GABRA3: variants seen among roughly 807,000 people sequenced by gnomAD.
The protein encoded by GABRA3 is gamma-aminobutyric acid receptor subunit alpha-3.
In GABRA3, 10 loss-of-function variants were observed where a neutral mutation model predicts 30.1. That is an observed-to-expected ratio of 0.33 (90% CI 0.20 to 0.56). The LOEUF (loss-of-function observed/expected upper bound fraction) is 0.56. Among genes scored for constraint, GABRA3 ranks in the 20% least tolerant of loss-of-function variants. The pLI is 0.89. For missense variants in GABRA3, 233 were observed against 392.0 expected, an observed-to-expected ratio of 0.59 and a Z score of 3.42; for synonymous variants, 151 against 146.8, an observed-to-expected ratio of 1.03 and a Z score of -0.21.
chrX:152,373,532 C>T (rs1928898700), intron 1 of GABRA3, among the ~76,000 whole-genome samples: 1 of 111,933 alleles, frequency 8.9e-6, no homozygotes, highest in Non-Finnish European at 1.9e-5. Context: ...TCCTCTGCAA[C>T]TTTGCCAACA....
At chrX:152,440,180 A>T (rs1930886342) in intron 1 of GABRA3, among the ~76,000 whole-genome samples, 1 of 112,517 alleles carries the variant, frequency 8.9e-6, no homozygotes, top group African/African-American at 3.2e-5. Context: ...TCTACAAGAA[A>T]AAAACAACCC....
chrX:152,226,150 C>A (rs1310517705), intron 5 of GABRA3, among the ~76,000 whole-genome samples: 1 of 111,756 alleles, frequency 8.9e-6, no homozygotes, highest in Non-Finnish European at 1.9e-5. Context: ...CTCTTCACAT[C>A]ACAGTGCTAC....
chrX:152,279,441 A>C lies in GABRA3; in HGVS notation c.330+5227T>G, dbSNP rs1258884213. On this transcript the variant is annotated intron_variant, in intron 4 of 9. Coordinates refer to ENST00000370314, the MANE Select transcript of GABRA3 (RefSeq NM_000808.4). The stretch of plus-strand genomic sequence containing the variant: ...GTTGTAGATATGTGGCATTATTTCT[A>C]AGGGCTCTGTTCTGTTCCATTGGTC... Among the ~76,000 whole-genome samples the C allele has an allele frequency of 3.6e-5, 4 of 110,962 alleles. No homozygotes were observed. The East Asian group carries it at 1.1e-3, about 32-fold the overall frequency.
chrX:152,216,146 G>T (rs968715620), intron 6 of GABRA3, among the ~76,000 whole-genome samples: 6 of 110,549 alleles, frequency 5.4e-5, no homozygotes, highest in African/African-American at 9.8e-5. Context: ...TGGTGAGAAT[G>T]CAAATTGGTA....
intron 3 of GABRA3, among the ~76,000 whole-genome samples, chrX:152,286,127 T>C (rs1939290195): frequency 1.2e-5 from 1 of 84,832 alleles, no homozygotes; most frequent in Non-Finnish European, 2.4e-5. Flanking sequence ...ATAAGTATAG[T>C]ATAGTATATA....
intron 5 of GABRA3, among the ~76,000 whole-genome samples, chrX:152,247,648 G>A (rs1363325254): frequency 3.6e-5 from 4 of 111,320 alleles, no homozygotes; most frequent in Admixed American, 9.5e-5. Flanking sequence ...ATGCCTTATC[G>A]CATTCACTTC....
At position 152,356,076 on chromosome X, in the gene GABRA3, T is replaced by C. The variant is rs1940544987; in HGVS notation, c.140+8355A>G. The stretch of plus-strand genomic sequence containing the variant: ...ACAGGTTTTTCCATGGGTGCTGTTC[T>C]AAAGTTCCAGAATCCCAAATCCCAA... On this transcript the variant is annotated intron_variant, in intron 2 of 9. Coordinates refer to ENST00000370314, the MANE Select transcript of GABRA3 (RefSeq NM_000808.4). Among the ~76,000 whole-genome samples the C allele has an allele frequency of 2.7e-5, 3 of 111,621 alleles. No individual in the cohort carries two copies. In the Admixed American group the frequency reaches 2.9e-4, roughly 11 times the overall value.
chrX:152,233,553 A>G (rs1367778630), intron 5 of GABRA3, among the ~76,000 whole-genome samples: 2 of 110,046 alleles, frequency 1.8e-5, no homozygotes, highest in Admixed American at 9.7e-5. Flanking sequence ...AACAATGGGT[A>G]CTGGAGAGGA....
intron 6 of GABRA3, among the ~76,000 whole-genome samples, chrX:152,216,775 T>C (rs535991003): frequency 9.1e-6 from 1 of 109,812 alleles, no homozygotes; most frequent in South Asian, 3.9e-4. Context: ...TTTTAAAATA[T>C]TGTATGATAT....
chrX:152,217,552 T>A (rs1937750195), intron 6 of GABRA3, among the ~76,000 whole-genome samples: 1 of 111,679 alleles, frequency 9.0e-6, no homozygotes, highest in Admixed American at 9.5e-5. Context: ...GTATCAAGTC[T>A]TCTTCAAGTG....
rs41304976 is a variant in GABRA3, at chrX:152,392,447, A to G, written c.-26-27851T>C. The G allele has an allele frequency of 2.4e-3, 635 of 268,567 alleles. 12 individuals are homozygous for G. Among genetic ancestry groups the G allele is most frequent in the South Asian group, 0.019 (471 of 25,394 alleles). The allele number at this position is 268,567 out of a possible 1,213,427, so 22.1% of individuals were successfully genotyped here. A position where few individuals can be genotyped will look rare whatever the true frequency, so the allele number is the denominator to read the frequency against. ...AAATTCCATTTTTAGTACAATGTAG[A>G]CAACGATGGTGCATTTTCACAAATC... On this transcript the variant is annotated intron_variant, in intron 1 of 9. Transcript: ENST00000370314.
intron 1 of GABRA3, among the ~76,000 whole-genome samples, chrX:152,431,672 C>T (rs1463323217): frequency 1.8e-5 from 2 of 111,661 alleles, no homozygotes; most frequent in Non-Finnish European, 3.8e-5. Context: ...TCTGAGTAAA[C>T]ACAATGTAAT....
chrX:152,356,768 G>A (rs192849356), intron 2 of GABRA3, among the ~76,000 whole-genome samples: 126 of 111,023 alleles, frequency 1.1e-3, no homozygotes, highest in African/African-American at 3.6e-3. Context: ...ACTAGGCCCT[G>A]GTGTTTATTG....
intron 1 of GABRA3, among the ~76,000 whole-genome samples, chrX:152,422,921 T>C (rs932568856): frequency 6.3e-5 from 7 of 111,559 alleles, no homozygotes; most frequent in Non-Finnish European, 1.3e-4. Flanking sequence ...AATAAATATG[T>C]CTATTTAGAC....
chrX:152,391,588 C>T (rs1005295486), intron 1 of GABRA3, among the ~76,000 whole-genome samples: 1 of 111,423 alleles, frequency 9.0e-6, no homozygotes, highest in Admixed American at 9.6e-5. Flanking sequence ...CACCAATATA[C>T]ACTGAAAGGT....
chrX:152,189,668 C>A, intron 9 of GABRA3, 62 bp downstream of exon 9: 1 of 873,790 alleles, frequency 1.1e-6, no homozygotes. Context: ...AGGCTGCCCA[C>A]TCCTGGTCCC....
intron 7 of GABRA3, among the ~76,000 whole-genome samples, chrX:152,207,254 G>A (rs769928467): frequency 9.0e-6 from 1 of 111,324 alleles, no homozygotes; most frequent in African/African-American, 3.3e-5. Context: ...GAAAATTAAC[G>A]TTGAAAGCTT....
At chrX:152,389,009 A>G (rs1161476991) in intron 1 of GABRA3, among the ~76,000 whole-genome samples, 1 of 112,311 alleles carries the variant, frequency 8.9e-6, no homozygotes, top group African/African-American at 3.2e-5. Context: ...TTAGTACTAT[A>G]GTAGACAATC....
At chrX:152,189,515 C>T (rs1034138752) in intron 9 of GABRA3, among the ~76,000 whole-genome samples, 22 of 111,407 alleles carry the variant, frequency 2.0e-4, no homozygotes, top group Non-Finnish European at 3.6e-4. Flanking sequence ...TCCTTCACCA[C>T]AAGACATCAA....
Sources: allele counts gnomAD v4.1 joint callset (sites outside exome capture counted in the v4.1 genomes callset), GRCh38; gene constraint gnomAD v4.1.1; transcripts MANE v1.5; gene names NCBI Gene and HGNC (gene_info 2026-07-23, HGNC 2026-07-21).